Variants in CUZD1 observed in about 807,000 individuals in gnomAD.
CUZD1 encodes CUB and zona pellucida like domains 1.
CUZD1 carries 42 observed loss-of-function variants against 53.1 expected under a neutral mutation model. That is an observed-to-expected ratio of 0.79 (90% CI 0.62 to 1.02). CUZD1 has a LOEUF of 1.02. CUZD1 is among the 50% of genes least tolerant of loss of function. CUZD1 has a pLI of 0.00. For synonymous variants in CUZD1, 238 were observed against 257.2 expected, an observed-to-expected ratio of 0.93 and a Z score of 0.71; for missense variants, 670 against 715.7, an observed-to-expected ratio of 0.94 and a Z score of 0.73.
chr10:122,841,015 TG>T (rs1407174506), intron 2 of CUZD1, among the ~76,000 whole-genome samples, 162 bp downstream of exon 2: 1 of 152,144 alleles, frequency 6.6e-6, no homozygotes, highest in African/African-American at 2.4e-5. Context: ...CCATCATCAG[TG>T]ACTATCAGCC....
At chr10:122,832,587 T>C in intron 8 of CUZD1, 137 bp from the exon 9 acceptor site, 1 of 474,794 alleles carries the variant, frequency 2.1e-6, no homozygotes, top group Admixed American at 3.9e-5. Context: ...GCCAACACAA[T>C]ATAGAGGAAC....
rs761576500 is a variant in CUZD1, at chr10:122,833,930, C to G, written c.1393G>C (p.Asp465His). 3.1e-6 allele frequency: 5 copies of G among 1,612,378 alleles called. No individual in the cohort carries two copies. In the South Asian group the frequency reaches 5.5e-5, roughly 18 times the overall value. The stretch of plus-strand genomic sequence containing the variant: ...AAGGGATACACCTTACAAGTTTCAT[C>G]TCGACTACATCTGGAACAGAATTTA... ...YDLIKSGCSR[D>H]ETCKVYPLFG... Residue 465 changes from aspartate to histidine, a missense_variant, in exon 8 of 9, where the codon GAT becomes CAT. By Grantham distance (81) the Asp-to-His change is moderately conservative (BLOSUM62 -1). Coordinates refer to ENST00000392790, the MANE Select transcript of CUZD1 (RefSeq NM_022034.6).
At position 122,837,505 on chromosome 10, in the gene CUZD1, G is replaced by C. The variant is rs753099760; in HGVS notation, c.498C>G (p.Thr166=). 72 of 1,608,442 alleles carry C rather than the reference G, an allele frequency of 4.5e-5. No individual in the cohort carries two copies. The highest frequency in any genetic ancestry group is 3.3e-5 in the Non-Finnish European group (39 of 1,177,588). ...GYLDTLEGSF[T]SPNYPKPHPE... ...GATGCGGCTTTGGGTAATTGGGGCT[G>C]GTGAAGGATCCTTCCAAGGTATCCA... Residue 166 remains threonine, a synonymous_variant, in exon 4 of 9, where the codon ACC becomes ACG. Transcript: ENST00000392790.
rs1847297052 is a variant in CUZD1 at position 122,839,140 on chromosome 10, T to C, written c.325A>G (p.Lys109Glu). The stretch of plus-strand genomic sequence containing the variant: ...TCAAATACAGGAACATAGTCGTTTT[T>C]ACTGCAGACTTGCCCTAGCAGAGGC... ...NGPLLGQVCSKNDYVPVFESS... is the reference protein window; with the variant it reads ...NGPLLGQVCSENDYVPVFESS... Residue 109 changes from lysine to glutamate, a missense_variant, in exon 3 of 9, where the codon AAA (lysine) becomes GAA (glutamate). By Grantham distance (56) the Lys-to-Glu change is moderately conservative. Transcript: ENST00000392790. 1.2e-6 allele frequency: 2 copies of C among 1,614,186 alleles called. No individual in the cohort carries two copies. The highest frequency in any genetic ancestry group is 1.7e-6 in the Non-Finnish European group (2 of 1,179,994).
chr10:122,834,027 G>T, intron 7 of CUZD1, 87 bp from the exon 8 acceptor site: 2 of 1,191,958 alleles, frequency 1.7e-6, no homozygotes, highest in Non-Finnish European at 2.4e-6. Flanking sequence ...ACTAAGTTGT[G>T]AATCCAAAAA....
chr10:122,843,324 T>C (rs2133818591), intron 1 of CUZD1, among the ~76,000 whole-genome samples: 1 of 152,296 alleles, frequency 6.6e-6, no homozygotes, highest in South Asian at 2.1e-4. Context: ...CCCCTGTGGA[T>C]ACCAAAATCC....
rs117062933 is a variant in CUZD1 at position 122,836,912 on chromosome 10, C to G, written c.736G>C (p.Val246Leu). The G allele has an allele frequency of 6.2e-7, 1 of 1,613,990 alleles. No individual in the cohort carries two copies. ...FESSSNSLTV[V>L]LSTDYANSYR... ...GAATTGGCATAATCTGTAGACAACA[C>G]GACAGTCAGAGAGTTTGATGACGAT... Residue 246 changes from valine (V) to leucine (L), a missense_variant, in exon 5 of 9, where the codon GTG becomes CTG. Coordinates refer to ENST00000392790, the MANE Select transcript of CUZD1 (RefSeq NM_022034.6).
chr10:122,837,015 A>G lies in CUZD1; in HGVS notation c.633T>C (p.Phe211=), dbSNP rs1336411872. 1 of 1,613,712 alleles carries G rather than the reference A, an allele frequency of 6.2e-7. No homozygotes were observed. Among genetic ancestry groups the G allele is most frequent in the Admixed American group, 1.7e-5 (1 of 60,006 alleles). Residue 211 remains phenylalanine (F), a synonymous_variant, in exon 5 of 9, where the codon TTT becomes TTC. Coordinates refer to ENST00000392790, the MANE Select transcript of CUZD1 (RefSeq NM_022034.6). ...LEIDKQCKFD[F]LAIYDGPSTN... ...TGGAGGGGCCATCATAGATGGCAAG[A>G]AAATCAAATTTGCACTGTTTGTCTA...
At chr10:122,833,594 G>T in intron 8 of CUZD1, 78 bp downstream of exon 8, 1 of 1,432,518 alleles carries the variant, frequency 7.0e-7, no homozygotes, top group Non-Finnish European at 9.6e-7. Context: ...AACTGTACAT[G>T]CTTAAGAGTT....
chr10:122,837,612 T>G, intron 3 of CUZD1, 58 bp from the exon 4 acceptor site: 1 of 1,482,940 alleles, frequency 6.7e-7, no homozygotes, highest in Non-Finnish European at 9.1e-7. Context: ...TGCTTTTAAT[T>G]TCTGTGTTGT....
At chr10:122,841,047 C>A in intron 2 of CUZD1, 131 bp downstream of exon 2, 1 of 829,010 alleles carries the variant, frequency 1.2e-6, no homozygotes. Flanking sequence ...TCACCATCAT[C>A]ATCACGATGG....
At position 122,832,245 on chromosome 10, in the gene CUZD1, G is replaced by C; in HGVS notation, c.*33C>G. 2 of 1,604,514 alleles carry C rather than the reference G, an allele frequency of 1.2e-6. No individual in the cohort carries two copies. The highest frequency in any genetic ancestry group is 1.7e-6 in the Non-Finnish European group (2 of 1,172,788). On this transcript the variant is annotated 3_prime_UTR_variant, in exon 9 of 9. Transcript: ENST00000392790. ...GTAGCATTTCCTTTGGCATCCTGGAGAAACATGTCTCACTTAGGGTTGGAC... is the reference window on the plus strand; with the variant it reads ...GTAGCATTTCCTTTGGCATCCTGGACAAACATGTCTCACTTAGGGTTGGAC...
intron 5 of CUZD1, 56 bp downstream of exon 5, chr10:122,836,775 T>A: frequency 2.2e-6 from 3 of 1,388,834 alleles, no homozygotes; most frequent in Non-Finnish European, 3.1e-6. Context: ...TAACAATTTC[T>A]ACATATGCAA....
chr10:122,844,713 T>A (rs552509979), intron 1 of CUZD1, among the ~76,000 whole-genome samples: 37 of 152,160 alleles, frequency 2.4e-4, no homozygotes, highest in East Asian at 1.7e-3. Context: ...ATAAAATTTT[T>A]AAAAATTATT....
chr10:122,840,474 A>AT (rs554838677), intron 2 of CUZD1, among the ~76,000 whole-genome samples: 81 of 152,136 alleles, frequency 5.3e-4, no homozygotes, highest in Middle Eastern at 3.4e-3. Flanking sequence ...CATTTTTATT[A>AT]TTTTTTAGTC....
intron 5 of CUZD1, 96 bp from the exon 6 acceptor site, chr10:122,836,446 AG>A (rs1847252574): frequency 9.1e-7 from 1 of 1,096,148 alleles, no homozygotes; most frequent in Non-Finnish European, 1.3e-6. Context: ...ATATATAAAA[AG>A]TCAAAACCAT....
chr10:122,838,249 C>A (rs1022929951), intron 3 of CUZD1, among the ~76,000 whole-genome samples: 1 of 152,126 alleles, frequency 6.6e-6, no homozygotes, highest in Non-Finnish European at 1.5e-5. Context: ...CTGGGTCCAG[C>A]GTGGGAAAAC....
Position 122,836,361 on chromosome 10 carries a change from A to G in CUZD1, c.818-11T>C. 1 of 804,876 alleles carries G rather than the reference A, an allele frequency of 1.2e-6. No homozygotes were observed. The highest frequency in any genetic ancestry group is 1.6e-6 in the Non-Finnish European group (1 of 607,376). 49.9% of individuals were successfully genotyped at this position (804,876 alleles called of 1,614,324 possible). A position where few individuals can be genotyped will look rare whatever the true frequency, so the allele number is the denominator to read the frequency against. On this transcript the variant is annotated splice_polypyrimidine_tract_variant and intron_variant, in intron 5 of 8. Coordinates refer to ENST00000392790, the MANE Select transcript of CUZD1 (RefSeq NM_022034.6). ...AGCAAGTTAAAGATGCTGTCAGGAA[A>G]AAAAAAAAAAAAAGAATGGTCATGT...
Position 122,841,329 on chromosome 10 carries a change from C to T in CUZD1, c.83-1G>A, listed in dbSNP as rs375448676. ...AGACTGACTGTGCAGCTTGCATTGC[C>T]TGTTAGAGATCACAGATGGCACTCA... On this transcript the variant is annotated splice_acceptor_variant, in intron 1 of 8. Transcript: ENST00000392790. LOFTEE classifies it high-confidence loss of function. 49 of 1,594,332 alleles carry T rather than the reference C, an allele frequency of 3.1e-5. No individual in the cohort carries two copies. Among genetic ancestry groups the T allele is most frequent in the Non-Finnish European group, 4.2e-5 (49 of 1,171,416 alleles).
Sources: allele counts gnomAD v4.1 joint callset (sites outside exome capture counted in the v4.1 genomes callset), GRCh38; gene constraint gnomAD v4.1.1; transcripts MANE v1.5; gene names NCBI Gene and HGNC (gene_info 2026-07-23, HGNC 2026-07-21).